The following TYK2 variants were observed in gnomAD, a reference collection of about 807,000 sequenced individuals.
TYK2 encodes the protein non-receptor tyrosine-protein kinase TYK2.
Under a neutral mutation model 130.9 loss-of-function variants are expected in TYK2, and 65 were observed. The observed-to-expected ratio is 0.50, with a 90% CI of 0.41 to 0.61. The LOEUF is 0.61. Among genes scored for constraint, TYK2 ranks in the 20% least tolerant of loss-of-function variants. The pLI, the probability that TYK2 is intolerant of heterozygous loss-of-function variation, is 0.00. For missense variants in TYK2, 1,378 were observed against 1,610.7 expected (o/e 0.86, Z 2.47); for synonymous variants, 647 against 658.9 (o/e 0.98, Z 0.28).
At chr19:10,380,059 T>G (rs571023414) in intron 1 of TYK2, among the ~76,000 whole-genome samples, 77 of 152,232 alleles carry the variant, frequency 5.1e-4, no homozygotes, top group African/African-American at 1.8e-3. Context: ...ATCTGGAAAA[T>G]GGGCATGTAA....
In TYK2 at chr19:10,353,062, G is replaced by C; in HGVS notation, c.3064C>G (p.Arg1022Gly). ...AGCACGTTGCGCGCGGCTAGGTCTC[G>C]GTGGATGTAGTGCTGCGCGTGCAGA... ...AYLHAQHYIH[R>G]DLAARNVLLD... The change falls in exon 22 of 25, where the codon CGA (arginine) becomes GGA (glycine). Residue 1022 changes from arginine to glycine, a missense_variant. By Grantham distance (125) the Arg-to-Gly change is moderately radical (BLOSUM62 -2). Transcript: ENST00000525621. The surrounding 1 kb of genome is among the most constrained non-coding windows in gnomAD (Gnocchi z 6.9). 2.5e-6 allele frequency: 4 copies of C among 1,581,828 alleles called. No homozygotes were observed. The highest frequency in any genetic ancestry group is 3.4e-6 in the Non-Finnish European group (4 of 1,162,896).
intron 6 of TYK2, 125 bp downstream of exon 6, chr19:10,366,288 CAGAG>C (rs2041660089): frequency 2.1e-6 from 2 of 963,162 alleles, no homozygotes; most frequent in East Asian, 2.6e-5. Context: ...GCCTAGGTGA[CAGAG>C]AGAGACTCCG....
Position 10,361,688 on chromosome 19 carries a change from C to G in TYK2, c.1959+82G>C, listed in dbSNP as rs1214676424. 62 of 1,577,408 alleles carry G rather than the reference C, an allele frequency of 3.9e-5. No individual in the cohort carries two copies. The highest frequency in any genetic ancestry group is 5.1e-5 in the Non-Finnish European group (59 of 1,157,708). ...ACACACCCCTCCCATCCCACCTCCTCCACAGACACACCCCTCCCATCCCAC... is the reference window on the plus strand; with the variant it reads ...ACACACCCCTCCCATCCCACCTCCTGCACAGACACACCCCTCCCATCCCAC... On this transcript the variant is annotated intron_variant, in intron 13 of 24. Coordinates refer to ENST00000525621, the MANE Select transcript of TYK2 (RefSeq NM_003331.5). This position sits in a 1 kb window ranked among gnomAD's most constrained non-coding sequence, Gnocchi z 4.0.
intron 3 of TYK2, 23 bp downstream of exon 3, chr19:10,378,191 T>C (rs1459845553): frequency 1.2e-6 from 2 of 1,611,876 alleles, no homozygotes; most frequent in South Asian, 1.1e-5. Flanking sequence ...CCAGTCCCCA[T>C]GGTGCCAACG....
chr19:10,362,210 C>T (rs1352976733), intron 11 of TYK2, 29 bp from the exon 12 acceptor site: 5 of 1,613,692 alleles, frequency 3.1e-6, no homozygotes, highest in Admixed American at 1.7e-5. Context: ...TCATGGAGGG[C>T]GGGCCTGGGG....
At chr19:10,362,928 G>A (rs1173508689) in intron 9 of TYK2, among the ~76,000 whole-genome samples, 2 of 152,090 alleles carry the variant, frequency 1.3e-5, no homozygotes, top group African/African-American at 4.8e-5. Flanking sequence ...ATGCAATGGC[G>A]TGATCTCAGC....
intron 3 of TYK2, among the ~76,000 whole-genome samples, chr19:10,374,315 G>C (rs2145328849): frequency 6.6e-6 from 1 of 151,376 alleles, no homozygotes; most frequent in South Asian, 2.1e-4. Context: ...CAGGCTCGAG[G>C]GTGCACACTT....
At position 10,356,686 on chromosome 19, in the gene TYK2, C is replaced by T. The variant is rs1002434487; in HGVS notation, c.2499G>A (p.Leu833=). 1 of 1,611,464 alleles carries T rather than the reference C, an allele frequency of 6.2e-7. No individual in the cohort carries two copies. The highest frequency in any genetic ancestry group is 8.5e-7 in the Non-Finnish European group (1 of 1,179,092). ...CCAGCTGTGGGCAGGAGGGCTCGGG[C>T]AGCCGGTGCTGCCTCTGGTAGAAAT... ...KEHFYQRQHR[L]PEPSCPQLAT... is the part of the protein sequence containing the mutation. Residue 833 remains leucine (L), a synonymous_variant, in exon 18 of 25, where the codon CTG becomes CTA. Transcript: ENST00000525621.
chr19:10,370,512 A>C (rs2041870006), intron 3 of TYK2, among the ~76,000 whole-genome samples: 1 of 28,386 alleles, frequency 3.5e-5, no homozygotes, highest in African/African-American at 4.6e-4. Context: ...GACTGTCTCA[A>C]AAAAAAAAAA....
Position 10,361,610 on chromosome 19 carries a change from G to A in TYK2, c.1960-12C>T, listed in dbSNP as rs764858425. ...GTCTCGTAGAAGGCCTGTGGGGACC[G>A]GGCAGGTCAGGTGGCTGCAAAGCCG... On this transcript the variant is annotated splice_polypyrimidine_tract_variant and intron_variant, in intron 13 of 24. Coordinates refer to ENST00000525621, the MANE Select transcript of TYK2 (RefSeq NM_003331.5). This position sits in a 1 kb window ranked among gnomAD's most constrained non-coding sequence, Gnocchi z 4.0. 1.4e-5 allele frequency: 22 copies of A among 1,548,782 alleles called. No individual in the cohort carries two copies. Among genetic ancestry groups the A allele is most frequent in the African/African-American group, 6.9e-5 (5 of 72,976 alleles).
At chr19:10,358,975 A>G (rs1331764310) in intron 15 of TYK2, among the ~76,000 whole-genome samples, 200 bp downstream of exon 15, 1 of 152,146 alleles carries the variant, frequency 6.6e-6, no homozygotes, top group Admixed American at 6.5e-5. Context: ...AGGCGGGAGA[A>G]TCATTTGAAC....
At position 10,353,256 on chromosome 19, in the gene TYK2, A is replaced by G; in HGVS notation, c.3028-158T>C. 1.6e-6 allele frequency: 1 copy of G among 626,436 alleles called. No individual in the cohort carries two copies. The highest frequency in any genetic ancestry group is 2.6e-6 in the Non-Finnish European group (1 of 386,980). 38.8% of individuals were successfully genotyped at this position (626,436 alleles called of 1,614,324 possible). ...CGGATGGCACGTGGCACCAAGCAAA[A>G]GGAGGCTGAGCCAGAAAGCAGGGAC... On this transcript the variant is annotated intron_variant, in intron 21 of 24. Transcript: ENST00000525621. The surrounding 1 kb of genome is among the most constrained non-coding windows in gnomAD (Gnocchi z 6.9).
At chr19:10,367,659 G>T (rs1413173100) in intron 5 of TYK2, among the ~76,000 whole-genome samples, 1 of 151,094 alleles carries the variant, frequency 6.6e-6, no homozygotes, top group Admixed American at 6.6e-5. Flanking sequence ...GGTGGCTCAC[G>T]CCTGTAATCC....
intron 18 of TYK2, among the ~76,000 whole-genome samples, chr19:10,356,186 C>T (rs2041089672): frequency 6.6e-6 from 1 of 152,060 alleles, no homozygotes; most frequent in Non-Finnish European, 1.5e-5. Context: ...TGAGACCAGC[C>T]TGGCCAACAT....
At chr19:10,377,671 T>G in intron 3 of TYK2, among the ~76,000 whole-genome samples, 1 of 476 alleles carries the variant, frequency 2.1e-3, no homozygotes. Flanking sequence ...TGGGTATGGA[T>G]GGATCGATGG....
In TYK2 at chr19:10,353,573, G is replaced by A. The variant is rs2040924443; in HGVS notation, c.2982C>T (p.Ser994=). Residue 994 remains serine (S), a synonymous_variant, in exon 21 of 25, where the codon AGC becomes AGT. Coordinates refer to ENST00000525621, the MANE Select transcript of TYK2 (RefSeq NM_003331.5). The surrounding 1 kb of genome is among the most constrained non-coding windows in gnomAD (Gnocchi z 6.9). ...GSLRDYLPRH[S]IGLAQLLLFA... is the part of the protein sequence containing the mutation. ...AGAGCAGCAGCTGGGCCAGCCCGAT[G>A]CTGTGCCGGGGCAGGTAGTCTCGGA... 3 of 1,498,494 alleles carry A rather than the reference G, an allele frequency of 2.0e-6. No individual in the cohort carries two copies. The highest frequency in any genetic ancestry group is 2.2e-5 in the Admixed American group (1 of 45,446). 92.8% of individuals were successfully genotyped at this position (1,498,494 alleles called of 1,614,324 possible).
chr19:10,365,922 C>T lies in TYK2; in HGVS notation c.630-24G>A, dbSNP rs751272328. On this transcript the variant is annotated intron_variant, in intron 6 of 24. Transcript: ENST00000525621. ...AGCTGGGGGGAAACACAGTGAGGGG[C>T]TGGTCAGGGACCTGGGTTGCAGGCC... The T allele has an allele frequency of 2.0e-5, 31 of 1,586,844 alleles. No individual in the cohort carries two copies. In the East Asian group the frequency reaches 6.3e-4, roughly 32 times the overall value.
chr19:10,365,905 G>A lies in TYK2; in HGVS notation c.630-7C>T. On this transcript the variant is annotated splice_region_variant and splice_polypyrimidine_tract_variant and intron_variant, in intron 6 of 24. Transcript: ENST00000525621. ...CGGGATGCAGTCCTTGAAGCTGGGGGGAAACACAGTGAGGGGCTGGTCAGG... is the reference window on the plus strand; with the variant it reads ...CGGGATGCAGTCCTTGAAGCTGGGGAGAAACACAGTGAGGGGCTGGTCAGG... The A allele has an allele frequency of 6.2e-7, 1 of 1,602,330 alleles. No homozygotes were observed.
intron 3 of TYK2, among the ~76,000 whole-genome samples, chr19:10,372,958 G>A (rs2041978860): frequency 6.6e-6 from 1 of 151,882 alleles, no homozygotes; most frequent in Non-Finnish European, 1.5e-5. Flanking sequence ...CTGCCTTTCA[G>A]GTTCAAGTCA....
Sources: allele counts gnomAD v4.1 joint callset (sites outside exome capture counted in the v4.1 genomes callset), GRCh38; gene constraint gnomAD v4.1.1; non-coding constraint Gnocchi (gnomAD v3.1); transcripts MANE v1.5; gene names NCBI Gene and HGNC (gene_info 2026-07-23, HGNC 2026-07-21).